CARHSP1: variants seen among roughly 807,000 people sequenced by gnomAD.
The protein encoded by CARHSP1 is calcium regulated heat stable protein 1.
In CARHSP1, 14 loss-of-function variants were observed where a neutral mutation model predicts 12.5. That is an observed-to-expected ratio of 1.12 (90% CI 0.74 to 1.75). The LOEUF (loss-of-function observed/expected upper bound fraction) is 1.75, where lower values mean the gene tolerates loss of function less well. CARHSP1 is among the 40% of genes most tolerant of loss of function. The probability of loss-of-function intolerance (pLI) is 0.00; values close to 1 mark genes in which losing one functional copy is unlikely to be tolerated. For missense variants in CARHSP1, 343 were observed against 201.6 expected (o/e 1.70, Z -4.25); for synonymous variants, 161 against 82.0 (o/e 1.96, Z -5.20).
chr16:8,861,536 G>T, intron 1 of CARHSP1: 3 of 1,112,922 alleles, frequency 2.7e-6, no homozygotes, highest in Non-Finnish European at 3.6e-6. Context: ...GCTCAGAGGA[G>T]AAGGGATGCC....
Position 8,853,885 on chromosome 16 carries a change from AG to A in CARHSP1, c.*1278del, listed in dbSNP as rs1475869789. On this transcript the variant is annotated 3_prime_UTR_variant, in exon 4 of 4. Transcript: ENST00000311052. ...CAGATCATCTGAGGTCAGGGGTTCA[AG>A]ACCATCCTGCCCAACATGATGAAAC... 1 of 152,244 alleles carries A rather than the reference AG, an allele frequency of 6.6e-6. No individual in the cohort carries two copies. Among genetic ancestry groups the A allele is most frequent in the Non-Finnish European group, 1.5e-5 (1 of 68,050 alleles). The allele number at this position is 152,244 out of a possible 1,614,324, so 9.4% of individuals were successfully genotyped here.
At chr16:8,864,318 C>T (rs2061420892) in intron 1 of CARHSP1, among the ~76,000 whole-genome samples, 1 of 142,344 alleles carries the variant, frequency 7.0e-6, no homozygotes, top group African/African-American at 2.5e-5. Context: ...CCTCACCGCA[C>T]AGCACGCTGG....
At chr16:8,866,396 A>C (rs2061455488) in intron 1 of CARHSP1, 1 of 975,824 alleles carries the variant, frequency 1.0e-6, no homozygotes, top group Non-Finnish European at 1.2e-6. Flanking sequence ...GATCGGGGTG[A>C]GACTCTAGCA....
chr16:8,858,558 C>T, intron 2 of CARHSP1, 86 bp from the exon 3 acceptor site: 3 of 1,528,004 alleles, frequency 2.0e-6, no homozygotes, highest in Non-Finnish European at 1.8e-6. Context: ...CAGCTGTGCC[C>T]CATCAAGCCC....
At chr16:8,862,897 C>T (rs748661668) in intron 1 of CARHSP1, among the ~76,000 whole-genome samples, 3 of 152,114 alleles carry the variant, frequency 2.0e-5, no homozygotes, top group Non-Finnish European at 4.4e-5. Flanking sequence ...GGGTGAATGG[C>T]ACAGACCCAA....
At chr16:8,860,348 G>A in intron 1 of CARHSP1, 1 of 985,454 alleles carries the variant, frequency 1.0e-6, no homozygotes, top group Non-Finnish European at 1.2e-6. Flanking sequence ...CCCCTAGTAT[G>A]TACCGGTAAA....
At chr16:8,858,910 G>C in intron 2 of CARHSP1, 1 of 449,392 alleles carries the variant, frequency 2.2e-6, no homozygotes, top group Non-Finnish European at 4.0e-6. Context: ...CTCATGTGTG[G>C]TTAAAGCCCA....
Position 8,853,314 on chromosome 16 carries a change from A to C in CARHSP1, c.*1850T>G, listed in dbSNP as rs2060996823. 2 of 147,124 alleles carry C rather than the reference A, an allele frequency of 1.4e-5. No homozygotes were observed. Among genetic ancestry groups the C allele is most frequent in the South Asian group, 4.4e-4 (2 of 4,524 alleles). The allele number at this position is 147,124 out of a possible 1,614,324, so 9.1% of individuals were successfully genotyped here. A position where few individuals can be genotyped will look rare whatever the true frequency, so the allele number is the denominator to read the frequency against. On this transcript the variant is annotated 3_prime_UTR_variant, in exon 4 of 4. Transcript: ENST00000311052. The stretch of plus-strand genomic sequence containing the variant: ...CCAGCAGATGGGCCCTTGGGAAGCC[A>C]ACAGGGAACAATTCAAGGCTGGAGA...
intron 1 of CARHSP1, among the ~76,000 whole-genome samples, chr16:8,864,515 A>G (rs2061423303): frequency 6.6e-6 from 1 of 152,224 alleles, no homozygotes; most frequent in Admixed American, 6.5e-5. Context: ...GGGAGAACGG[A>G]GACACAAAGA....
At chr16:8,857,266 T>TTTTGTTTTTTGTTTTTTG (rs1213690410) in intron 3 of CARHSP1, among the ~76,000 whole-genome samples, 6 of 15,120 alleles carry the variant, frequency 4.0e-4, no homozygotes, top group East Asian at 1.6e-3. Context: ...CAGATCTGTT[T>TTTTGTTTTTTGTTTTTTG]TTTTTTTTTT....
chr16:8,862,775 TG>T (rs2061388932), intron 1 of CARHSP1, among the ~76,000 whole-genome samples: 1 of 152,018 alleles, frequency 6.6e-6, no homozygotes, highest in Non-Finnish European at 1.5e-5. Flanking sequence ...GGAAAGGCGG[TG>T]GAAAGGGTAG....
At chr16:8,856,176 G>A (rs994661155) in intron 3 of CARHSP1, among the ~76,000 whole-genome samples, 18 of 152,256 alleles carry the variant, frequency 1.2e-4, no homozygotes, top group African/African-American at 3.4e-4. Flanking sequence ...CTCTCCCTGT[G>A]ACCACCCCCA....
intron 1 of CARHSP1, chr16:8,860,021 T>C (rs1227740889): frequency 2.2e-5 from 9 of 413,462 alleles, no homozygotes; most frequent in Non-Finnish European, 2.9e-5. Flanking sequence ...GCCAACCACC[T>C]AGATCCAAAC....
At chr16:8,859,443 G>T in intron 1 of CARHSP1, 108 bp from the exon 2 acceptor site, 2 of 984,726 alleles carry the variant, frequency 2.0e-6, no homozygotes, top group South Asian at 1.6e-5. Flanking sequence ...CATTCCTCTC[G>T]GGCACCTCAG....
chr16:8,856,434 C>T (rs1320294454), intron 3 of CARHSP1, among the ~76,000 whole-genome samples: 7 of 152,338 alleles, frequency 4.6e-5, no homozygotes, highest in Non-Finnish European at 8.8e-5. Flanking sequence ...GCAGCAGAAC[C>T]AGACATCACA....
chr16:8,857,276 T>TTTTTG (rs1567181188), intron 3 of CARHSP1, among the ~76,000 whole-genome samples: 40 of 102,038 alleles, frequency 3.9e-4, no homozygotes, highest in South Asian at 1.1e-3. Flanking sequence ...TTTTTTTTTT[T>TTTTTG]TTTTTTTTTT....
At chr16:8,861,396 A>T (rs1008011519) in intron 1 of CARHSP1, among the ~76,000 whole-genome samples, 2 of 151,534 alleles carry the variant, frequency 1.3e-5, no homozygotes, top group African/African-American at 4.8e-5. Context: ...TGAAGCTCTC[A>T]CAACCTTCAA....
chr16:8,857,335 TGCAATGGC>T (rs1008936147), intron 3 of CARHSP1: 2 of 133,870 alleles, frequency 1.5e-5, no homozygotes, highest in African/African-American at 5.5e-5. Context: ...CAGGCTGCAG[TGCAATGGC>T]GCGATCTCGG....
rs189265889 is a variant in CARHSP1 at position 8,861,483 on chromosome 16, C to T, written c.-7-2148G>A. Among the ~76,000 whole-genome samples the T allele has an allele frequency of 4.6e-5, 7 of 152,130 alleles. No homozygotes were observed. In the East Asian group the frequency reaches 1.4e-3, roughly 29 times the overall value. ...CACCCAAAAATCCCACCGCACCCCC[C>T]GAACCGCCTTCAAGCATAGCCACCC... On this transcript the variant is annotated intron_variant, in intron 1 of 3. Transcript: ENST00000311052.
Sources: gnomAD v4.1 joint callset for allele counts (sites outside exome capture counted in the v4.1 genomes callset) on GRCh38, gnomAD v4.1.1 for gene constraint, MANE v1.5 for transcripts, NCBI Gene and HGNC (gene_info 2026-07-23, HGNC 2026-07-21) for gene names.